SP1: variants seen among roughly 807,000 people sequenced by gnomAD.
The protein encoded by SP1 is transcription factor Sp1.
In SP1, 6 loss-of-function variants were observed where a neutral mutation model predicts 66.3. That is an observed-to-expected ratio of 0.09 (90% CI 0.05 to 0.18). The LOEUF (loss-of-function observed/expected upper bound fraction) is 0.18, where lower values mean the gene tolerates loss of function less well. Ranked by LOEUF, SP1 falls within the 10% of genes least tolerant of loss-of-function variation. SP1 has a pLI of 1.00. For synonymous variants in SP1, 417 were observed against 360.8 expected, an observed-to-expected ratio of 1.16 and a Z score of -1.77; for missense variants, 848 against 964.5, an observed-to-expected ratio of 0.88 and a Z score of 1.60.
chr12:53,406,563 C>T, intron 3 of SP1, 22 bp from the exon 4 acceptor site: 1 of 1,611,268 alleles, frequency 6.2e-7, no homozygotes, highest in Non-Finnish European at 8.5e-7. Flanking sequence ...CACATGTTGA[C>T]CCTTTTCTCT....
rs1432382388 is a variant in SP1, at chr12:53,381,877, T to A, written c.162+64T>A. ...ATGTAAATATTCTTAGATAATTGCC[T>A]TACTCTTCACAGAAAGCGTTTTAGG... is the stretch of plus-strand genomic sequence containing the variant. On this transcript the variant is annotated intron_variant, in intron 2 of 5. Coordinates refer to ENST00000327443, the MANE Select transcript of SP1 (RefSeq NM_138473.3). 1.1e-5 allele frequency: 17 copies of A among 1,541,630 alleles called. No homozygotes were observed. The Admixed American group carries it at 1.6e-4, about 15-fold the overall frequency.
At position 53,383,772 on chromosome 12, in the gene SP1, GT is replaced by G. The variant is rs1172589115; in HGVS notation, c.1675+153del. The G allele has an allele frequency of 1.0e-5, 7 of 694,046 alleles. No individual in the cohort carries two copies. In the Admixed American group the frequency reaches 1.2e-4, roughly 12 times the overall value. 43.0% of individuals were successfully genotyped at this position (694,046 alleles called of 1,614,324 possible). A position where few individuals can be genotyped will look rare whatever the true frequency, so the allele number is the denominator to read the frequency against. ...AATAAATTTGAGAAATAGAGATTCTGTTTAAGTAATTTGGAACTGAAGTAAA... is the reference window on the plus strand; with the variant it reads ...AATAAATTTGAGAAATAGAGATTCTGTTAAGTAATTTGGAACTGAAGTAAA... On this transcript the variant is annotated intron_variant, in intron 3 of 5. Transcript: ENST00000327443.
At chr12:53,400,241 A>T (rs569367087) in intron 3 of SP1, among the ~76,000 whole-genome samples, 9 of 152,220 alleles carry the variant, frequency 5.9e-5, no homozygotes, top group Non-Finnish European at 1.3e-4. Flanking sequence ...TATTCTAGAT[A>T]TTTCACATAA....
At chr12:53,387,881 G>A (rs962016898) in intron 3 of SP1, among the ~76,000 whole-genome samples, 39 of 151,024 alleles carry the variant, frequency 2.6e-4, no homozygotes, top group Admixed American at 2.5e-3. Context: ...AGCTACTAGG[G>A]AGGCTGAGGC....
At position 53,411,439 on chromosome 12, in the gene SP1, G is replaced by A; in HGVS notation, c.*199G>A. On this transcript the variant is annotated 3_prime_UTR_variant, in exon 6 of 6. Transcript: ENST00000327443. ...TATCATCAGTGCCTCTTTGAAGGTG[G>A]GAAACATTAGTGAAAATTCTGTTGG... 1 of 490,704 alleles carries A rather than the reference G, an allele frequency of 2.0e-6. No homozygotes were observed. The allele number at this position is 490,704 out of a possible 1,614,324, so 30.4% of individuals were successfully genotyped here.
intron 3 of SP1, among the ~76,000 whole-genome samples, chr12:53,399,882 C>T (rs1199033529): frequency 2.6e-5 from 4 of 151,856 alleles, no homozygotes; most frequent in African/African-American, 4.8e-5. Context: ...CCGCCCGCCT[C>T]GGCCTCCCAA....
intron 3 of SP1, among the ~76,000 whole-genome samples, chr12:53,388,976 T>TAAAAAAA (rs1938288720): frequency 9.3e-6 from 1 of 107,112 alleles, no homozygotes; most frequent in African/African-American, 3.6e-5. Flanking sequence ...TGAGTCCCTG[T>TAAAAAAA]CAAAAAAAAA....
At chr12:53,408,825 G>GA (rs1416482570) in intron 4 of SP1, among the ~76,000 whole-genome samples, 1 of 151,878 alleles carries the variant, frequency 6.6e-6, no homozygotes, top group African/African-American at 2.4e-5. Flanking sequence ...AGAATGGCGT[G>GA]AACCCGGGAG....
intron 3 of SP1, among the ~76,000 whole-genome samples, chr12:53,385,879 C>T (rs1198835057): frequency 6.6e-6 from 1 of 150,486 alleles, no homozygotes; most frequent in African/African-American, 2.5e-5. Context: ...TGCCACTGCA[C>T]TCCAGCCTGG....
intron 3 of SP1, among the ~76,000 whole-genome samples, chr12:53,402,914 A>G (rs1251824795): frequency 1.3e-5 from 2 of 151,732 alleles, no homozygotes; most frequent in Non-Finnish European, 2.9e-5. Context: ...CAGAGGTTGC[A>G]GTGAGTCAAG....
chr12:53,387,346 G>C (rs999232695), intron 3 of SP1, among the ~76,000 whole-genome samples: 3 of 152,152 alleles, frequency 2.0e-5, no homozygotes, highest in Non-Finnish European at 4.4e-5. Flanking sequence ...ACATAAGTGA[G>C]GGTAGCAAAT....
intron 4 of SP1, among the ~76,000 whole-genome samples, chr12:53,408,901 G>A (rs563719965): frequency 3.5e-5 from 5 of 143,900 alleles, no homozygotes; most frequent in Admixed American, 6.9e-5. Flanking sequence ...GCGAGACTCC[G>A]TCTCAAAACA....
chr12:53,405,945 A>G (rs1465401182), intron 3 of SP1, among the ~76,000 whole-genome samples: 2 of 151,976 alleles, frequency 1.3e-5, no homozygotes, highest in Non-Finnish European at 2.9e-5. Context: ...GCACATGTAT[A>G]CATATGTAAC....
intron 3 of SP1, among the ~76,000 whole-genome samples, chr12:53,384,527 C>A (rs891417834): frequency 2.6e-5 from 4 of 152,096 alleles, no homozygotes; most frequent in African/African-American, 9.7e-5. Context: ...TCATGTGAAT[C>A]CACCTGCCTC....
chr12:53,381,636 T>G, intron 1 of SP1, 23 bp from the exon 2 acceptor site: 2 of 1,585,990 alleles, frequency 1.3e-6, no homozygotes, highest in Non-Finnish European at 8.6e-7. Context: ...AAGTTTACGT[T>G]GTTTGTTTTT....
rs57242856 is a variant in SP1, at chr12:53,412,930, CTGTGTGTG to C, written c.*1720_*1727del. On this transcript the variant is annotated 3_prime_UTR_variant, in exon 6 of 6. Coordinates refer to ENST00000327443, the MANE Select transcript of SP1 (RefSeq NM_138473.3). ...TGTGAGGAAGTGTGGAAAAATAGCT[CTGTGTGTG>C]TGTGTGTGTGTGTGTGTGTGTGTGT... 30,344 of 147,356 alleles carry C rather than the reference CTGTGTGTG, an allele frequency of 0.21. 3,632 individuals carry two copies. The highest frequency in any genetic ancestry group is 0.34 in the African/African-American group (13,582 of 40,008). The allele number at this position is 147,356 out of a possible 1,614,324, so 9.1% of individuals were successfully genotyped here.
chr12:53,383,084 A>G lies in SP1; in HGVS notation c.1137A>G (p.Ser379=). ...NIQQNQTSGG[S]LQAGQQKEGE... ...AGCAAAACCAGACATCTGGAGGCTC[A>G]TTGCAAGCAGGCCAGCAAAAAGAAG... Residue 379 remains serine (S), a synonymous_variant, in exon 3 of 6, where the codon TCA becomes TCG. Coordinates refer to ENST00000327443, the MANE Select transcript of SP1 (RefSeq NM_138473.3). 2.5e-6 allele frequency: 4 copies of G among 1,614,216 alleles called. No homozygotes were observed. The highest frequency in any genetic ancestry group is 2.5e-6 in the Non-Finnish European group (3 of 1,180,042).
At chr12:53,405,041 G>GTTTTTTT (rs989025659) in intron 3 of SP1, among the ~76,000 whole-genome samples, 1 of 151,262 alleles carries the variant, frequency 6.6e-6, no homozygotes, top group Non-Finnish European at 1.5e-5. Context: ...AGAGATGGGG[G>GTTTTTTT]TTTTACCATG....
chr12:53,401,084 T>C (rs1938599119), intron 3 of SP1, among the ~76,000 whole-genome samples: 1 of 152,034 alleles, frequency 6.6e-6, no homozygotes, highest in African/African-American at 2.4e-5. Flanking sequence ...TATATCTTGA[T>C]CTTAAACATA....
Sources: allele counts gnomAD v4.1 joint callset (sites outside exome capture counted in the v4.1 genomes callset), GRCh38; gene constraint gnomAD v4.1.1; transcripts MANE v1.5; gene names NCBI Gene and HGNC (gene_info 2026-07-23, HGNC 2026-07-21).